Variants in RDX observed in about 807,000 individuals in gnomAD.
RDX encodes radixin.
RDX carries 32 observed loss-of-function variants against 83.7 expected under a neutral mutation model. That is an observed-to-expected ratio of 0.38 (90% confidence interval 0.29 to 0.51). The LOEUF (loss-of-function observed/expected upper bound fraction) is 0.51. RDX is among the 20% of genes least tolerant of loss of function. The pLI is 0.87. For missense variants in RDX, 600 were observed against 689.9 expected, an observed-to-expected ratio of 0.87 and a Z score of 1.46; for synonymous variants, 229 against 222.7, an observed-to-expected ratio of 1.03 and a Z score of -0.25.
At chr11:110,281,576 C>T (rs553224804) in intron 1 of RDX, among the ~76,000 whole-genome samples, 7 of 152,274 alleles carry the variant, frequency 4.6e-5, no homozygotes, top group African/African-American at 1.4e-4. Flanking sequence ...ATCCGCCGGC[C>T]TTGGCCTCCC....
intron 14 of RDX, among the ~76,000 whole-genome samples, chr11:110,220,717 C>T (rs559280176): frequency 6.8e-4 from 103 of 151,936 alleles, no homozygotes; most frequent in African/African-American, 2.4e-3. Flanking sequence ...AGGCTGGTCT[C>T]GAACTCCTGA....
At chr11:110,246,683 GAGA>G (rs981034703) in intron 10 of RDX, among the ~76,000 whole-genome samples, 67 of 149,612 alleles carry the variant, frequency 4.5e-4, no homozygotes, top group Middle Eastern at 3.4e-3. Context: ...GCTCAGGCAG[GAGA>G]ATAGCTTGAG....
chr11:110,221,862 T>C lies in RDX; in HGVS notation c.1748+10011A>G, dbSNP rs191970197. ...ACTACCATACTTTCTATACCTCAAT[T>C]TGAGTCCAGGACTCAACTCCCCGAT... On this transcript the variant is annotated intron_variant, in intron 14 of 15. Coordinates refer to the RDX transcript ENST00000528498. Among the ~76,000 whole-genome samples, 34 of 152,210 alleles carry C rather than the reference T, an allele frequency of 2.2e-4. No individual in the cohort carries two copies. The Middle Eastern group carries it at 0.01, about 46-fold the overall frequency.
rs1225584478 is a variant in RDX, at chr11:110,247,611, CAAAT to C, written c.1090+88_1090+91del. The C allele has an allele frequency of 4.6e-6, 6 of 1,303,750 alleles. No individual in the cohort carries two copies. The South Asian group carries it at 5.2e-5, about 11-fold the overall frequency. The allele number at this position is 1,303,750 out of a possible 1,614,324, so 80.8% of individuals were successfully genotyped here. ...TTAAATATACAATTGTCCTATATAA[CAAAT>C]AAGGTTTAAGAGTACTAAAAAAAAT... is the stretch of plus-strand genomic sequence containing the variant. On this transcript the variant is annotated intron_variant, in intron 10 of 13. Transcript: ENST00000645495.
chr11:110,211,632 A>G lies in RDX; in HGVS notation c.1749-11954T>C, dbSNP rs1306040150. 2.5e-3 allele frequency among the ~76,000 whole-genome samples: 364 copies of G among 147,760 alleles called. 2 individuals carry two copies. The highest frequency in any genetic ancestry group is 8.7e-3 in the African/African-American group (349 of 40,336). Reference sequence around the variant, plus strand: ...AAAAGAACAGAAATTATAACAAACTATCTCTCAGACCACAGTGCAATCAAA... The same window carrying G: ...AAAAGAACAGAAATTATAACAAACTGTCTCTCAGACCACAGTGCAATCAAA... On this transcript the variant is annotated intron_variant, in intron 14 of 15. Coordinates refer to the RDX transcript ENST00000528498.
chr11:110,222,441 G>T (rs1161062038), intron 14 of RDX, among the ~76,000 whole-genome samples: 2 of 152,056 alleles, frequency 1.3e-5, no homozygotes, highest in African/African-American at 2.4e-5. Context: ...GTCTTATATT[G>T]TCTGGTACGA....
intron 1 of RDX, among the ~76,000 whole-genome samples, chr11:110,289,773 C>T (rs1050076673): frequency 6.6e-6 from 1 of 151,548 alleles, no homozygotes; most frequent in Non-Finnish European, 1.5e-5. Context: ...AAAAATTAGT[C>T]CCGTCTCTAC....
intron 15 of RDX, among the ~76,000 whole-genome samples, chr11:110,194,691 ATAAAT>A (rs1175630234): frequency 6.6e-6 from 1 of 152,248 alleles, no homozygotes; most frequent in Non-Finnish European, 1.5e-5. Context: ...AAGATTTCAC[ATAAAT>A]TACAAGAGAC....
intron 2 of RDX, 23 bp downstream of exon 2, chr11:110,279,658 C>A: frequency 6.8e-7 from 1 of 1,464,812 alleles, no homozygotes; most frequent in South Asian, 1.2e-5. Context: ...GAGACACTGT[C>A]AAATGTAATA....
chr11:110,256,823 A>G (rs1048631055), intron 7 of RDX, among the ~76,000 whole-genome samples: 2 of 152,260 alleles, frequency 1.3e-5, no homozygotes, highest in Non-Finnish European at 2.9e-5. Context: ...TAATAAAAAC[A>G]TGAGAAGATA....
At chr11:110,185,868 C>A (rs570232692) in intron 15 of RDX, among the ~76,000 whole-genome samples, 2 of 152,290 alleles carry the variant, frequency 1.3e-5, no homozygotes, top group African/African-American at 4.8e-5. Context: ...AAAGGAAAAT[C>A]CGGGAACAGG....
chr11:110,234,128 T>C (rs758512235), intron 12 of RDX, among the ~76,000 whole-genome samples: 1 of 152,226 alleles, frequency 6.6e-6, no homozygotes, highest in African/African-American at 2.4e-5. Context: ...TTCAATTATA[T>C]GGAAGTCTCA....
intron 14 of RDX, among the ~76,000 whole-genome samples, chr11:110,208,698 C>T (rs993003657): frequency 2.0e-5 from 3 of 152,178 alleles, no homozygotes; most frequent in Admixed American, 6.5e-5. Flanking sequence ...GAGGTTAACG[C>T]CTATAATCCC....
At chr11:110,199,540 C>G in intron 15 of RDX, 1 of 699,364 alleles carries the variant, frequency 1.4e-6, no homozygotes, top group Non-Finnish European at 2.6e-6. Context: ...GTCTAGTGGG[C>G]AGGTGAGCTG....
chr11:110,263,688 C>G (rs1462058126), intron 5 of RDX, among the ~76,000 whole-genome samples: 1 of 151,768 alleles, frequency 6.6e-6, no homozygotes, highest in African/African-American at 2.4e-5. Flanking sequence ...TGATGAAACC[C>G]CATCTCAATG....
intron 9 of RDX, among the ~76,000 whole-genome samples, chr11:110,249,674 G>T (rs997592351): frequency 6.6e-6 from 1 of 152,124 alleles, no homozygotes; most frequent in Non-Finnish European, 1.5e-5. Context: ...AGGAGTCCAA[G>T]ACCAGGGCAA....
intron 2 of RDX, among the ~76,000 whole-genome samples, chr11:110,275,469 T>G (rs946583863): frequency 6.6e-6 from 1 of 152,216 alleles, no homozygotes; most frequent in African/African-American, 2.4e-5. Context: ...TTTATAACAC[T>G]AAATTTGTGG....
chr11:110,272,800 T>A, intron 2 of RDX, 181 bp from the exon 3 acceptor site: 1 of 590,216 alleles, frequency 1.7e-6, no homozygotes, highest in Non-Finnish European at 3.0e-6. Context: ...ATACTTAACA[T>A]ATACTGGGCA....
At chr11:110,283,918 T>C (rs747988653) in intron 1 of RDX, among the ~76,000 whole-genome samples, 1 of 152,034 alleles carries the variant, frequency 6.6e-6, no homozygotes, top group Non-Finnish European at 1.5e-5. Context: ...TGCAAAGTAA[T>C]CAAATGGTTA....
Sources: gnomAD v4.1 joint callset for allele counts (sites outside exome capture counted in the v4.1 genomes callset) on GRCh38, gnomAD v4.1.1 for gene constraint, MANE v1.5 for transcripts, NCBI Gene and HGNC (gene_info 2026-07-23, HGNC 2026-07-21) for gene names.